SCRG1: variants seen among roughly 807,000 people sequenced by gnomAD.
The protein encoded by SCRG1 is scrapie-responsive protein 1.
SCRG1 carries 3 observed loss-of-function variants against 7.7 expected under a neutral mutation model. The observed-to-expected ratio is 0.39, with a 90% CI of 0.18 to 1.01. The LOEUF is 1.01. Among genes scored for constraint, SCRG1 ranks in the 50% least tolerant of loss-of-function variants. The pLI, the probability that SCRG1 is intolerant of heterozygous loss-of-function variation, is 0.36. For synonymous variants in SCRG1, 46 were observed against 41.2 expected (o/e 1.12, Z -0.44); for missense variants, 110 against 117.2 (o/e 0.94, Z 0.28).
the SCRG1 span, among the ~76,000 whole-genome samples, chr4:173,460,494 GCACT>G: frequency 3.0e-4 from 45 of 152,282 alleles, no homozygotes; most frequent in African/African-American, 1.1e-3. Flanking sequence ...GTAGGATATG[GCACT>G]GGTCAGACTC....
the SCRG1 span, among the ~76,000 whole-genome samples, chr4:173,425,127 T>G: frequency 6.6e-6 from 1 of 152,216 alleles, no homozygotes; most frequent in African/African-American, 2.4e-5. Context: ...GTGGAAATAC[T>G]TTCATGGTTC....
chr4:173,450,452 C>A, the SCRG1 span, among the ~76,000 whole-genome samples: 2 of 152,130 alleles, frequency 1.3e-5, no homozygotes, highest in African/African-American at 4.8e-5. Flanking sequence ...TCTTAGAGAG[C>A]CTTTCTGTGC....
At chr4:173,473,344 C>T in the SCRG1 span, among the ~76,000 whole-genome samples, 58 of 144,324 alleles carry the variant, frequency 4.0e-4, no homozygotes, top group East Asian at 8.5e-3. Flanking sequence ...CTAGAGCAGT[C>T]CTCTTTTCTA....
chr4:173,430,947 G>T, the SCRG1 span, among the ~76,000 whole-genome samples: 2 of 151,898 alleles, frequency 1.3e-5, no homozygotes, highest in African/African-American at 4.8e-5. Flanking sequence ...TGTTTACAAA[G>T]GTGAAAATAA....
At chr4:173,464,045 C>G in the SCRG1 span, among the ~76,000 whole-genome samples, 1 of 152,060 alleles carries the variant, frequency 6.6e-6, no homozygotes, top group Admixed American at 6.5e-5. Context: ...GTAAGTTGAC[C>G]AGTGTTTACA....
At chr4:173,390,917 G>A (rs1315942481) in intron 2 of SCRG1, among the ~76,000 whole-genome samples, 1 of 152,112 alleles carries the variant, frequency 6.6e-6, no homozygotes, top group Admixed American at 6.6e-5. Flanking sequence ...GGTGAGTTTA[G>A]AATTTAATAG....
chr4:173,454,243 G>A, the SCRG1 span, among the ~76,000 whole-genome samples: 1 of 152,256 alleles, frequency 6.6e-6, no homozygotes, highest in African/African-American at 2.4e-5. Context: ...GACAAGTTTG[G>A]TGGAAGGGAA....
the SCRG1 span, among the ~76,000 whole-genome samples, chr4:173,420,531 C>T: frequency 6.6e-6 from 1 of 152,044 alleles, no homozygotes; most frequent in African/African-American, 2.4e-5. Context: ...GGAGCTACAA[C>T]TATTGTGTCT....
the SCRG1 span, among the ~76,000 whole-genome samples, chr4:173,441,269 T>G: frequency 6.6e-6 from 1 of 152,220 alleles, no homozygotes; most frequent in South Asian, 2.1e-4. Flanking sequence ...TTTTATTGTG[T>G]CACTTATTTT....
the SCRG1 span, among the ~76,000 whole-genome samples, chr4:173,411,869 G>A: frequency 5.3e-5 from 8 of 152,158 alleles, no homozygotes; most frequent in Non-Finnish European, 1.2e-4. Context: ...TTGTGTCGAT[G>A]GTTATTAGGT....
At chr4:173,466,947 A>G in the SCRG1 span, among the ~76,000 whole-genome samples, 47 of 152,278 alleles carry the variant, frequency 3.1e-4, no homozygotes, top group African/African-American at 9.9e-4. Flanking sequence ...CAGGAAAAAA[A>G]TAAATTTGGC....
At chr4:173,395,048 C>T (rs1390023034) in intron 1 of SCRG1, among the ~76,000 whole-genome samples, 1 of 152,086 alleles carries the variant, frequency 6.6e-6, no homozygotes, top group Admixed American at 6.5e-5. Flanking sequence ...CTCTCTCTAC[C>T]AGGAATGTTC....
chr4:173,469,312 G>A, the SCRG1 span: 1 of 151,906 alleles, frequency 6.6e-6, no homozygotes, highest in Non-Finnish European at 1.5e-5. Flanking sequence ...TAATATAACA[G>A]ACTCAGAATT....
chr4:173,438,517 TTTGA>T, the SCRG1 span, among the ~76,000 whole-genome samples: 3 of 151,264 alleles, frequency 2.0e-5, no homozygotes, highest in Admixed American at 6.6e-5. Context: ...AATTTTAAAC[TTTGA>T]TTGGAAATGA....
the SCRG1 span, among the ~76,000 whole-genome samples, chr4:173,466,074 C>T: frequency 1.3e-5 from 2 of 152,002 alleles, no homozygotes; most frequent in African/African-American, 4.8e-5. Flanking sequence ...CATTTGTGTA[C>T]AAAATGGCCA....
chr4:173,518,840 G>T, the SCRG1 span, among the ~76,000 whole-genome samples: 3 of 150,566 alleles, frequency 2.0e-5, no homozygotes, highest in East Asian at 2.0e-4. Flanking sequence ...CTTTGTGTCC[G>T]CCCCCCCGCC....
the SCRG1 span, among the ~76,000 whole-genome samples, chr4:173,493,486 C>T: frequency 3.3e-5 from 5 of 151,932 alleles, no homozygotes; most frequent in Non-Finnish European, 5.9e-5. Flanking sequence ...GGTGTGGTGG[C>T]GCGTGCTTGT....
the SCRG1 span, among the ~76,000 whole-genome samples, chr4:173,498,336 G>A: frequency 6.6e-6 from 1 of 152,140 alleles, no homozygotes; most frequent in Admixed American, 6.5e-5. Context: ...AGATATCCCT[G>A]GTCTGAATGA....
At chr4:173,475,942 A>G in the SCRG1 span, among the ~76,000 whole-genome samples, 14 of 152,264 alleles carry the variant, frequency 9.2e-5, 1 homozygote, top group South Asian at 2.7e-3. Context: ...GGCCTGAGGC[A>G]GTTAGTGATG....
Sources: allele counts gnomAD v4.1 joint callset (sites outside exome capture counted in the v4.1 genomes callset), GRCh38; gene constraint gnomAD v4.1.1; transcripts MANE v1.5; gene names NCBI Gene and HGNC (gene_info 2026-07-23, HGNC 2026-07-21).